Variants in HOMER2 observed in about 807,000 individuals in gnomAD.
The protein encoded by HOMER2 is homer scaffold protein 2, also known as homer protein homolog 2.
In HOMER2, 27 loss-of-function variants were observed where a neutral mutation model predicts 47.0. The ratio of observed to expected loss-of-function variants is 0.57; its 90% CI spans 0.42 to 0.79. The LOEUF (loss-of-function observed/expected upper bound fraction) is 0.79. Among genes scored for constraint, HOMER2 ranks in the 30% least tolerant of loss-of-function variants. The pLI is 0.00. For missense variants in HOMER2, 443 were observed against 435.0 expected (o/e 1.02, Z -0.16); for synonymous variants, 161 against 163.8 (o/e 0.98, Z 0.13).
Position 82,868,523 on chromosome 15 carries a change from T to TATATATATATATATATATA in HOMER2, c.295-4265_295-4264insTATATATATATATATATAT, listed in dbSNP as rs2052055665. ...AAGTTATATATATCACTTATTTATT[T>TATATATATATATATATATA]TATATATATATATATATATTTTTTT... On this transcript the variant is annotated intron_variant, in intron 3 of 8. Transcript: ENST00000450735. 2.2e-4 allele frequency among the ~76,000 whole-genome samples: 8 copies of TATATATATATATATATATA among 36,632 alleles called. 1 individual carries two copies. The South Asian group carries it at 5.4e-3, about 25-fold the overall frequency. The allele number at this position is 36,632 out of a possible 152,430, so 24.0% of individuals were successfully genotyped here.
At chr15:82,873,819 A>C (rs2052255040) in intron 3 of HOMER2, among the ~76,000 whole-genome samples, 1 of 152,192 alleles carries the variant, frequency 6.6e-6, no homozygotes, top group Non-Finnish European at 1.5e-5. Context: ...GGGTATCCCC[A>C]CTGGGGTGCT....
chr15:82,896,357 G>A (rs760017204), intron 1 of HOMER2, among the ~76,000 whole-genome samples: 5 of 152,214 alleles, frequency 3.3e-5, no homozygotes, highest in South Asian at 2.1e-4. Context: ...CAAAGCAGCC[G>A]GCTGTCTGCT....
chr15:82,890,470 G>A (rs985727290), intron 2 of HOMER2, among the ~76,000 whole-genome samples: 44 of 152,164 alleles, frequency 2.9e-4, no homozygotes, highest in African/African-American at 1.1e-3. Context: ...GCCTGTAAGT[G>A]AGTCTATAGC....
intron 2 of HOMER2, among the ~76,000 whole-genome samples, chr15:82,889,129 G>A (rs1166150275): frequency 1.3e-5 from 2 of 152,200 alleles, no homozygotes; most frequent in Non-Finnish European, 2.9e-5. Flanking sequence ...TCACAGAGGT[G>A]CAGCCCATGA....
chr15:82,918,858 G>A (rs559810953), intron 1 of HOMER2, among the ~76,000 whole-genome samples: 22 of 152,102 alleles, frequency 1.4e-4, no homozygotes, highest in African/African-American at 4.3e-4. Flanking sequence ...ACTCGGCCCC[G>A]TAAATGGCTG....
chr15:82,852,544 C>T (rs2051430360), intron 6 of HOMER2: 1 of 326,274 alleles, frequency 3.1e-6, no homozygotes, highest in Non-Finnish European at 5.6e-6. Context: ...CTGGTTTCCT[C>T]TCATGGCCGT....
At chr15:82,868,523 T>TATATATA (rs2052055665) in intron 3 of HOMER2, among the ~76,000 whole-genome samples, 7 of 36,638 alleles carry the variant, frequency 1.9e-4, no homozygotes, top group South Asian at 1.8e-3. Flanking sequence ...CTTATTTATT[T>TATATATA]TATATATATA....
chr15:82,907,110 T>C (rs1289218963), intron 1 of HOMER2, among the ~76,000 whole-genome samples: 1 of 152,202 alleles, frequency 6.6e-6, no homozygotes, highest in Non-Finnish European at 1.5e-5. Context: ...ATCCCAGCAC[T>C]TTGGGAGGCC....
chr15:82,860,956 T>TGTGAGAGAGAGAGAGA (rs1555420264), intron 4 of HOMER2, among the ~76,000 whole-genome samples: 580 of 42,416 alleles, frequency 0.014, 10 homozygotes, highest in African/African-American at 0.046. Context: ...AGATAGAAGA[T>TGTGAGAGAGAGAGAGA]GAGAGAGAGA....
exon 2 of HOMER2, chr15:82,837,496 C>T (rs971967059): frequency 6.6e-6 from 1 of 152,178 alleles, no homozygotes; most frequent in East Asian, 1.9e-4. Flanking sequence ...TAGAAAAATG[C>T]TACTACACAA....
At chr15:82,910,830 C>T (rs543230778) in intron 1 of HOMER2, among the ~76,000 whole-genome samples, 12 of 152,134 alleles carry the variant, frequency 7.9e-5, no homozygotes, top group Non-Finnish European at 1.5e-4. Flanking sequence ...GTCTCAGCAA[C>T]GTAACAGTGC....
intron 1 of HOMER2, among the ~76,000 whole-genome samples, chr15:82,938,741 G>C (rs1345428432): frequency 6.6e-6 from 1 of 152,058 alleles, no homozygotes; most frequent in Non-Finnish European, 1.5e-5. Context: ...TTCACATTTG[G>C]CTGAGGCTGC....
chr15:82,860,356 G>A (rs1049286343), intron 4 of HOMER2, among the ~76,000 whole-genome samples: 8 of 151,910 alleles, frequency 5.3e-5, no homozygotes, highest in Admixed American at 3.9e-4. Context: ...TCTGGCATTT[G>A]CTTTAAAATA....
At chr15:82,927,370 C>A (rs1358844459) in intron 1 of HOMER2, among the ~76,000 whole-genome samples, 2 of 152,164 alleles carry the variant, frequency 1.3e-5, no homozygotes, top group East Asian at 3.8e-4. Flanking sequence ...AGATACTTAA[C>A]AAATACTCAC....
chr15:82,889,118 G>C (rs983679384), intron 2 of HOMER2, among the ~76,000 whole-genome samples: 3 of 152,214 alleles, frequency 2.0e-5, no homozygotes, highest in African/African-American at 7.2e-5. Flanking sequence ...CCTGCCCAAA[G>C]TCACAGAGGT....
chr15:82,973,615 T>C (rs1242497108), intron 1 of HOMER2, among the ~76,000 whole-genome samples: 1 of 152,180 alleles, frequency 6.6e-6, no homozygotes, highest in African/African-American at 2.4e-5. Flanking sequence ...TTTATTTTGG[T>C]TTGGAAAACA....
chr15:82,862,154 C>CGG (rs138224853), intron 4 of HOMER2, among the ~76,000 whole-genome samples: 5,131 of 151,674 alleles, frequency 0.034, 132 homozygotes, highest in East Asian at 0.1. Context: ...CCACTGGCCT[C>CGG]GGCTTCCCAA....
intron 1 of HOMER2, among the ~76,000 whole-genome samples, chr15:82,938,036 C>T (rs1199426313): frequency 3.3e-5 from 5 of 152,166 alleles, no homozygotes; most frequent in Non-Finnish European, 7.4e-5. Flanking sequence ...CTTGATCTAC[C>T]CTCCGGTTCT....
intron 1 of HOMER2, among the ~76,000 whole-genome samples, chr15:82,968,037 T>C (rs992121350): frequency 5.9e-5 from 9 of 152,232 alleles, no homozygotes; most frequent in African/African-American, 2.2e-4. Context: ...AAAATTCACA[T>C]AAAATTTACC....
Sources: allele counts gnomAD v4.1 joint callset (sites outside exome capture counted in the v4.1 genomes callset), GRCh38; gene constraint gnomAD v4.1.1; transcripts MANE v1.5; gene names NCBI Gene and HGNC (gene_info 2026-07-23, HGNC 2026-07-21).